Variants in CACNA2D1 observed in about 807,000 individuals in gnomAD.
CACNA2D1 encodes the protein voltage-dependent calcium channel subunit alpha-2/delta-1.
A neutral mutation model predicts 171.5 loss-of-function variants in CACNA2D1; 53 were observed. That is an observed-to-expected ratio of 0.31 (90% confidence interval 0.25 to 0.39). CACNA2D1 has a LOEUF of 0.39. CACNA2D1 is among the 10% of genes least tolerant of loss of function. The pLI is 1.00. For missense variants in CACNA2D1, 903 were observed against 1,299.8 expected (o/e 0.69, Z 4.69); for synonymous variants, 442 against 443.1 (o/e 1.00, Z 0.03).
intron 21 of CACNA2D1, among the ~76,000 whole-genome samples, chr7:81,989,260 C>T (rs986941026): frequency 2.6e-4 from 40 of 152,160 alleles, no homozygotes; most frequent in Admixed American, 1.9e-3. Context: ...AAATGATTTA[C>T]GCCACTGATG....
intron 4 of CACNA2D1, among the ~76,000 whole-genome samples, chr7:82,152,106 A>G (rs1248492944): frequency 6.6e-6 from 1 of 152,032 alleles, no homozygotes; most frequent in Non-Finnish European, 1.5e-5. Flanking sequence ...CAAACTATAT[A>G]TTTACAGAGG....
At chr7:82,091,306 A>C (rs1811129359) in intron 6 of CACNA2D1, among the ~76,000 whole-genome samples, 1 of 152,214 alleles carries the variant, frequency 6.6e-6, no homozygotes, top group South Asian at 2.1e-4. Flanking sequence ...TCCAAGGCAC[A>C]CAAGGACCTT....
intron 12 of CACNA2D1, among the ~76,000 whole-genome samples, chr7:82,018,862 T>A: frequency 6.6e-6 from 1 of 151,570 alleles, no homozygotes; most frequent in East Asian, 1.9e-4. Flanking sequence ...CTCACGCCTG[T>A]AATCCCAGCT....
At chr7:82,142,181 C>G (rs1327516015) in intron 4 of CACNA2D1, among the ~76,000 whole-genome samples, 1 of 152,128 alleles carries the variant, frequency 6.6e-6, no homozygotes, top group Non-Finnish European at 1.5e-5. Context: ...CACCAGATGA[C>G]AAGAACAAAT....
intron 13 of CACNA2D1, among the ~76,000 whole-genome samples, chr7:82,014,027 CA>C: frequency 6.6e-6 from 1 of 151,998 alleles, no homozygotes; most frequent in East Asian, 1.9e-4. Context: ...TTTTCAAAAA[CA>C]GTAATTAAAC....
At chr7:82,031,957 G>C (rs1802752481) in intron 12 of CACNA2D1, among the ~76,000 whole-genome samples, 1 of 151,942 alleles carries the variant, frequency 6.6e-6, no homozygotes, top group South Asian at 2.1e-4. Context: ...ACACCAGAAA[G>C]AGTTTATAAT....
At chr7:82,006,656 T>C (rs1799150757) in intron 16 of CACNA2D1, among the ~76,000 whole-genome samples, 1 of 152,104 alleles carries the variant, frequency 6.6e-6, no homozygotes, top group Admixed American at 6.6e-5. Context: ...CCAATCCTAG[T>C]CTGAGCAAAA....
chr7:82,284,771 C>G (rs979761019), intron 3 of CACNA2D1, among the ~76,000 whole-genome samples: 1 of 152,014 alleles, frequency 6.6e-6, no homozygotes, highest in African/African-American at 2.4e-5. Context: ...GGTTAAGTTC[C>G]AATATAGGAG....
chr7:82,110,191 A>C (rs1385793642), intron 6 of CACNA2D1, among the ~76,000 whole-genome samples: 1 of 152,288 alleles, frequency 6.6e-6, no homozygotes, highest in Non-Finnish European at 1.5e-5. Flanking sequence ...CTTTCCATTT[A>C]TGTTATGGAT....
chr7:82,131,143 T>C (rs1790931585), intron 5 of CACNA2D1, among the ~76,000 whole-genome samples: 1 of 152,158 alleles, frequency 6.6e-6, no homozygotes, highest in Admixed American at 6.5e-5. Context: ...CATTTGTATT[T>C]TGAATTTCTT....
intron 1 of CACNA2D1, among the ~76,000 whole-genome samples, chr7:82,412,430 G>C (rs574092625): frequency 6.6e-6 from 1 of 151,660 alleles, no homozygotes; most frequent in Non-Finnish European, 1.5e-5. Flanking sequence ...TTACAGGCAC[G>C]GGCCACTAGC....
At chr7:82,149,433 C>T (rs1192387487) in intron 4 of CACNA2D1, among the ~76,000 whole-genome samples, 1 of 152,048 alleles carries the variant, frequency 6.6e-6, no homozygotes, top group Non-Finnish European at 1.5e-5. Context: ...TGGTCAAGAG[C>T]AGGTAGACAA....
rs1461840215 is a variant in CACNA2D1, at chr7:82,371,036, C to A, written c.96-21387G>T. Among the ~76,000 whole-genome samples, 4 of 152,216 alleles carry A rather than the reference C, an allele frequency of 2.6e-5. No homozygotes were observed. The East Asian group carries it at 7.7e-4, about 29-fold the overall frequency. The stretch of plus-strand genomic sequence containing the variant: ...TAAGCAGTGAACACTACTGAAAAGA[C>A]ACATGTGAACTGTTAATAATAAAAC... On this transcript the variant is annotated intron_variant, in intron 1 of 38. Coordinates refer to ENST00000356860, the MANE Select transcript of CACNA2D1 (RefSeq NM_000722.4).
At chr7:81,997,316 T>C in intron 18 of CACNA2D1, 66 bp from the exon 19 acceptor site, 2 of 1,032,874 alleles carry the variant, frequency 1.9e-6, no homozygotes, top group South Asian at 1.3e-5. Flanking sequence ...TATAAAACAA[T>C]TTAACGGGTA....
At chr7:82,309,129 G>A (rs939361481) in intron 3 of CACNA2D1, among the ~76,000 whole-genome samples, 1 of 152,174 alleles carries the variant, frequency 6.6e-6, no homozygotes, top group African/African-American at 2.4e-5. Flanking sequence ...GTAAAGGCCA[G>A]GTGCAGTGGC....
chr7:82,400,635 A>T (rs1245325112), intron 1 of CACNA2D1, among the ~76,000 whole-genome samples: 3 of 152,306 alleles, frequency 2.0e-5, no homozygotes, highest in African/African-American at 7.2e-5. Flanking sequence ...CATTCAGGAC[A>T]CAGGCATGGG....
At chr7:82,166,431 C>A (rs994459140) in intron 4 of CACNA2D1, among the ~76,000 whole-genome samples, 1 of 151,978 alleles carries the variant, frequency 6.6e-6, no homozygotes, top group Non-Finnish European at 1.5e-5. Context: ...CATAAAGATC[C>A]TACTTATTAA....
In CACNA2D1 at chr7:82,099,141, CG is replaced by C. The variant is rs1324042061; in HGVS notation, c.527-14242del. 1.6e-4 allele frequency among the ~76,000 whole-genome samples: 24 copies of C among 152,216 alleles called. 2 individuals are homozygous for C. In the South Asian group the frequency reaches 1.7e-3, roughly 11 times the overall value. The stretch of plus-strand genomic sequence containing the variant: ...CAGTTTGCATTCTGTATCAAACTGA[CG>C]GAAGCCAAGATCTTTCACATTATTT... On this transcript the variant is annotated intron_variant, in intron 6 of 38. Coordinates refer to ENST00000356860, the MANE Select transcript of CACNA2D1 (RefSeq NM_000722.4).
At chr7:82,155,379 AAAGT>A (rs1311185035) in intron 4 of CACNA2D1, among the ~76,000 whole-genome samples, 1 of 152,172 alleles carries the variant, frequency 6.6e-6, no homozygotes, top group African/African-American at 2.4e-5. Flanking sequence ...CCAATGTCTC[AAAGT>A]AAGTATGTAC....
Sources: allele counts gnomAD v4.1 joint callset (sites outside exome capture counted in the v4.1 genomes callset), GRCh38; gene constraint gnomAD v4.1.1; transcripts MANE v1.5; gene names NCBI Gene and HGNC (gene_info 2026-07-23, HGNC 2026-07-21).